KIAA1549L: variants seen among roughly 807,000 people sequenced by gnomAD.
The protein encoded by KIAA1549L is KIAA1549 like, also known as UPF0606 protein KIAA1549L.
In KIAA1549L, 88 loss-of-function variants were observed where a neutral mutation model predicts 160.7. The observed-to-expected ratio is 0.55, with a 90% CI of 0.46 to 0.65. The LOEUF (loss-of-function observed/expected upper bound fraction) is 0.65, where lower values mean the gene tolerates loss of function less well. Among genes scored for constraint, KIAA1549L ranks in the 30% least tolerant of loss-of-function variants. The pLI, the probability that KIAA1549L is intolerant of heterozygous loss-of-function variation, is 0.00. For missense variants in KIAA1549L, 2,258 were observed against 2,437.5 expected (o/e 0.93, Z 1.55); for synonymous variants, 950 against 976.7 (o/e 0.97, Z 0.51).
At chr11:33,409,035 C>G (rs1055387257) in intron 1 of KIAA1549L, among the ~76,000 whole-genome samples, 13 of 151,440 alleles carry the variant, frequency 8.6e-5, no homozygotes, top group African/African-American at 3.2e-4. Flanking sequence ...AAATATTCCT[C>G]CTTCAGAACA....
chr11:33,628,807 T>G (rs1315081705), intron 16 of KIAA1549L, among the ~76,000 whole-genome samples: 1 of 151,956 alleles, frequency 6.6e-6, no homozygotes, highest in Non-Finnish European at 1.5e-5. Flanking sequence ...TATTGTTATG[T>G]GTGAATTTGA....
chr11:33,604,132 C>T (rs1444104828), intron 13 of KIAA1549L, among the ~76,000 whole-genome samples: 1 of 152,142 alleles, frequency 6.6e-6, no homozygotes, highest in Non-Finnish European at 1.5e-5. Flanking sequence ...ACAAATTACC[C>T]CAGCACCTAG....
chr11:33,397,145 A>C (rs2134057983), intron 1 of KIAA1549L, among the ~76,000 whole-genome samples: 1 of 149,008 alleles, frequency 6.7e-6, no homozygotes, highest in Non-Finnish European at 1.5e-5. Flanking sequence ...AGCCTGGCCA[A>C]TATGGTGAAA....
At chr11:33,447,558 G>A (rs1176614233) in intron 1 of KIAA1549L, among the ~76,000 whole-genome samples, 1 of 130,400 alleles carries the variant, frequency 7.7e-6, no homozygotes, top group Non-Finnish European at 1.6e-5. Context: ...GTGCATGCAT[G>A]CATCCATCCA....
intron 16 of KIAA1549L, among the ~76,000 whole-genome samples, chr11:33,635,439 G>T (rs75358493): frequency 0.016 from 2,365 of 152,262 alleles, 67 homozygotes; most frequent in African/African-American, 0.054. Context: ...ATGGAGCTGC[G>T]ATTGACACTG....
At chr11:33,474,898 G>A (rs1852252360) in intron 1 of KIAA1549L, among the ~76,000 whole-genome samples, 1 of 152,180 alleles carries the variant, frequency 6.6e-6, no homozygotes, top group Non-Finnish European at 1.5e-5. Context: ...TAATTATTTG[G>A]TGTTATAGAC....
intron 9 of KIAA1549L, among the ~76,000 whole-genome samples, chr11:33,574,450 T>C (rs773939338): frequency 1.3e-5 from 2 of 152,232 alleles, no homozygotes; most frequent in Non-Finnish European, 2.9e-5. Context: ...ATCACTATCC[T>C]GTGTTTTCTT....
At chr11:33,496,117 C>G (rs1852813036) in intron 1 of KIAA1549L, among the ~76,000 whole-genome samples, 1 of 152,190 alleles carries the variant, frequency 6.6e-6, no homozygotes, top group Non-Finnish European at 1.5e-5. Context: ...GCTCCTGCCA[C>G]TACACCTGGC....
At chr11:33,473,024 G>T (rs978820358) in intron 1 of KIAA1549L, among the ~76,000 whole-genome samples, 17 of 152,146 alleles carry the variant, frequency 1.1e-4, no homozygotes, top group East Asian at 1.9e-4. Context: ...CCAGTGCAGG[G>T]TCTCAAATAG....
rs187413891 is a variant in KIAA1549L at position 33,544,504 on chromosome 11, A to G, written c.2773+168A>G. ...GTAGCCCCAAGTAGTCACCTCATTG[A>G]TCCTGTGCCCACCTGAGCTTTCGAA... On this transcript the variant is annotated intron_variant, in intron 2 of 20. Transcript: ENST00000658780. 886 of 798,686 alleles carry G rather than the reference A, an allele frequency of 1.1e-3. 9 individuals are homozygous for G. The African/African-American group carries it at 0.012, about 11-fold the overall frequency. 49.5% of individuals were successfully genotyped at this position (798,686 alleles called of 1,614,324 possible).
intron 1 of KIAA1549L, among the ~76,000 whole-genome samples, chr11:33,512,007 T>A (rs944012072): frequency 5.9e-5 from 9 of 152,198 alleles, no homozygotes; most frequent in African/African-American, 2.2e-4. Context: ...AGTAAGAAAT[T>A]TACTTCTGGT....
Position 33,395,097 on chromosome 11 carries a change from G to C in KIAA1549L, c.238+18208G>C, listed in dbSNP as rs189435809. 1.3e-3 allele frequency among the ~76,000 whole-genome samples: 195 copies of C among 152,290 alleles called. 2 individuals are homozygous for C. The highest frequency in any genetic ancestry group is 1.0e-3 in the Non-Finnish European group (70 of 68,026). On this transcript the variant is annotated intron_variant, in intron 1 of 20. Transcript: ENST00000658780. Reference sequence around the variant, plus strand: ...TCATCTACTTGGCCCTTTGGTATTTGAGTTTGCAATCCCTGCTTTTAACAG... The same window carrying C: ...TCATCTACTTGGCCCTTTGGTATTTCAGTTTGCAATCCCTGCTTTTAACAG...
intron 16 of KIAA1549L, among the ~76,000 whole-genome samples, chr11:33,622,021 T>C (rs1383488795): frequency 6.6e-6 from 1 of 152,216 alleles, no homozygotes; most frequent in African/African-American, 2.4e-5. Context: ...CTGGAGGTAG[T>C]TGCCAGTCCT....
chr11:33,666,546 G>C (rs1424758716), intron 20 of KIAA1549L, among the ~76,000 whole-genome samples: 1 of 152,086 alleles, frequency 6.6e-6, no homozygotes, highest in Non-Finnish European at 1.5e-5. Context: ...ATTCTATAGT[G>C]TTCCAATTAA....
intron 16 of KIAA1549L, among the ~76,000 whole-genome samples, chr11:33,631,432 C>A (rs1851286007): frequency 6.6e-6 from 1 of 152,196 alleles, no homozygotes; most frequent in Non-Finnish European, 1.5e-5. Flanking sequence ...GCTGCTCAGC[C>A]TCCTCGCTGT....
intron 11 of KIAA1549L, among the ~76,000 whole-genome samples, chr11:33,587,473 C>T (rs1005738613): frequency 3.3e-5 from 5 of 152,196 alleles, no homozygotes; most frequent in Admixed American, 6.5e-5. Context: ...CCTCTCTGAG[C>T]TTTTGTTTTC....
At chr11:33,552,361 C>T (rs1854492298) in intron 6 of KIAA1549L, 120 bp downstream of exon 6, 3 of 1,090,734 alleles carry the variant, frequency 2.8e-6, no homozygotes, top group East Asian at 2.6e-5. Context: ...CTTTGTACTT[C>T]AGACATTGGT....
chr11:33,386,448 A>G (rs1026626509), intron 1 of KIAA1549L, among the ~76,000 whole-genome samples: 2 of 152,104 alleles, frequency 1.3e-5, no homozygotes, highest in Non-Finnish European at 2.9e-5. Flanking sequence ...TGGGAGGCCA[A>G]GGCAGGAGGA....
chr11:33,427,332 C>A (rs1408455446), intron 1 of KIAA1549L, among the ~76,000 whole-genome samples: 3 of 152,196 alleles, frequency 2.0e-5, no homozygotes, highest in African/African-American at 4.8e-5. Context: ...TGAGGATGAA[C>A]CATCTCTGAT....
Sources: gnomAD v4.1 joint callset for allele counts (sites outside exome capture counted in the v4.1 genomes callset) on GRCh38, gnomAD v4.1.1 for gene constraint, MANE v1.5 for transcripts, NCBI Gene and HGNC (gene_info 2026-07-23, HGNC 2026-07-21) for gene names.